Variants in SMOC1 observed in about 807,000 individuals in gnomAD.
SMOC1 encodes SPARC related modular calcium binding 1.
SMOC1 carries 22 observed loss-of-function variants against 56.3 expected under a neutral mutation model. That is an observed-to-expected ratio of 0.39 (90% CI 0.28 to 0.56). SMOC1 has a LOEUF of 0.56. Among genes scored for constraint, SMOC1 ranks in the 20% least tolerant of loss-of-function variants. The probability of loss-of-function intolerance (pLI) is 0.61; values close to 1 mark genes in which losing one functional copy is unlikely to be tolerated. For synonymous variants in SMOC1, 193 were observed against 215.0 expected (o/e 0.90, Z 0.89); for missense variants, 509 against 565.4 (o/e 0.90, Z 1.01).
intron 1 of SMOC1, among the ~76,000 whole-genome samples, chr14:69,916,603 G>T (rs36017936): frequency 0.21 from 31,358 of 152,022 alleles, 3,383 homozygotes; most frequent in Admixed American, 0.3. Flanking sequence ...GAGCACTTGG[G>T]TCCATTTCCT....
chr14:69,953,553 C>T, intron 3 of SMOC1, 21 bp downstream of exon 3: 1 of 1,601,048 alleles, frequency 6.2e-7, no homozygotes, highest in Non-Finnish European at 8.6e-7. Flanking sequence ...GGACAATCCT[C>T]TTGGGCTCTT....
intron 1 of SMOC1, among the ~76,000 whole-genome samples, chr14:69,931,515 C>T (rs1003876994): frequency 6.6e-6 from 1 of 152,220 alleles, no homozygotes; most frequent in Non-Finnish European, 1.5e-5. Context: ...TGGGAGCTGA[C>T]AGCAGGCGCT....
intron 1 of SMOC1, among the ~76,000 whole-genome samples, chr14:69,904,766 C>G (rs1342516994): frequency 6.6e-6 from 1 of 152,220 alleles, no homozygotes; most frequent in African/African-American, 2.4e-5. Context: ...GAAACTCGGT[C>G]TCATAGGTGA....
chr14:69,971,554 A>G (rs1381210422), intron 3 of SMOC1, among the ~76,000 whole-genome samples: 2 of 152,188 alleles, frequency 1.3e-5, no homozygotes, highest in Non-Finnish European at 2.9e-5. Context: ...TGAAATAGCC[A>G]ATTGCCTCAT....
At chr14:69,931,429 G>T (rs1266349935) in intron 1 of SMOC1, among the ~76,000 whole-genome samples, 1 of 152,232 alleles carries the variant, frequency 6.6e-6, no homozygotes, top group Non-Finnish European at 1.5e-5. Flanking sequence ...GCAGTGTATA[G>T]CTCTTCCTTG....
chr14:69,928,452 A>G (rs2139384995), intron 1 of SMOC1, among the ~76,000 whole-genome samples: 1 of 152,338 alleles, frequency 6.6e-6, no homozygotes, highest in East Asian at 1.9e-4. Flanking sequence ...GTTTGAGGCT[A>G]GAGCCAGAGC....
chr14:69,972,352 C>A (rs1883792540), intron 3 of SMOC1, among the ~76,000 whole-genome samples: 1 of 152,200 alleles, frequency 6.6e-6, no homozygotes, highest in African/African-American at 2.4e-5. Flanking sequence ...TGCTCGGCCA[C>A]TTCCCTCAGC....
chr14:69,930,186 C>T (rs796338720), intron 1 of SMOC1, among the ~76,000 whole-genome samples: 16 of 149,698 alleles, frequency 1.1e-4, no homozygotes, highest in African/African-American at 3.8e-4. Flanking sequence ...AGCACCCTTC[C>T]CACTCCCCTG....
intron 1 of SMOC1, among the ~76,000 whole-genome samples, chr14:69,935,729 G>A (rs1885278615): frequency 6.6e-6 from 1 of 152,190 alleles, no homozygotes; most frequent in South Asian, 2.1e-4. Context: ...CTGTGCCTGG[G>A]ACCTGACTCC....
At chr14:69,902,624 G>C (rs2139328237) in intron 1 of SMOC1, among the ~76,000 whole-genome samples, 1 of 152,016 alleles carries the variant, frequency 6.6e-6, no homozygotes, top group East Asian at 1.9e-4. Context: ...TCTCCCCACG[G>C]TCTCCCTCTC....
intron 9 of SMOC1, among the ~76,000 whole-genome samples, chr14:70,012,753 C>T (rs56093707): frequency 0.14 from 21,954 of 152,074 alleles, 1,863 homozygotes; most frequent in African/African-American, 0.23. Flanking sequence ...GGAAAAGGCA[C>T]ATCTATAGAA....
chr14:69,994,306 T>G, intron 6 of SMOC1, 94 bp from the exon 7 acceptor site: 2 of 1,014,724 alleles, frequency 2.0e-6, no homozygotes, highest in South Asian at 2.5e-5. Flanking sequence ...TGCCTCAGAC[T>G]TTGAAAAATG....
intron 1 of SMOC1, among the ~76,000 whole-genome samples, chr14:69,944,919 A>G (rs1405713109): frequency 6.6e-6 from 1 of 152,214 alleles, no homozygotes; most frequent in Non-Finnish European, 1.5e-5. Context: ...AAAAAATACC[A>G]TGTTTAAGAT....
At chr14:69,998,428 GTT>G (rs36077349) in intron 7 of SMOC1, among the ~76,000 whole-genome samples, 2 of 146,540 alleles carry the variant, frequency 1.4e-5, no homozygotes. Flanking sequence ...CTCTTGCTAA[GTT>G]TTTTTTTTTT....
At chr14:69,998,962 C>T (rs201787236) in intron 7 of SMOC1, among the ~76,000 whole-genome samples, 13 of 152,220 alleles carry the variant, frequency 8.5e-5, no homozygotes, top group Non-Finnish European at 1.6e-4. Flanking sequence ...CCTCCCTTGC[C>T]TCTTAGACCC....
intron 7 of SMOC1, among the ~76,000 whole-genome samples, chr14:70,003,048 C>A (rs762406515): frequency 7.9e-5 from 12 of 152,222 alleles, no homozygotes; most frequent in South Asian, 2.1e-4. Context: ...CATGCTCGCA[C>A]GCTGACCTAG....
chr14:70,006,168 C>A (rs547480163), intron 7 of SMOC1, among the ~76,000 whole-genome samples: 2 of 152,206 alleles, frequency 1.3e-5, no homozygotes, highest in South Asian at 2.1e-4. Context: ...TTTTTGGGTC[C>A]GCCACTTCCT....
At chr14:69,990,600 G>A (rs1185579869) in intron 5 of SMOC1, among the ~76,000 whole-genome samples, 1 of 152,170 alleles carries the variant, frequency 6.6e-6, no homozygotes, top group East Asian at 1.9e-4. Flanking sequence ...GGAAAGAGGT[G>A]TTAATAGAGT....
intron 1 of SMOC1, among the ~76,000 whole-genome samples, chr14:69,892,390 C>A (rs1388322722): frequency 6.6e-6 from 1 of 152,190 alleles, no homozygotes; most frequent in Non-Finnish European, 1.5e-5. Flanking sequence ...GATATGCCAA[C>A]TGGAAGATTC....
Sources: allele counts gnomAD v4.1 joint callset (sites outside exome capture counted in the v4.1 genomes callset), GRCh38; gene constraint gnomAD v4.1.1; transcripts MANE v1.5; gene names NCBI Gene and HGNC (gene_info 2026-07-23, HGNC 2026-07-21).